The following GBX1 variants were observed in gnomAD, a reference collection of about 807,000 sequenced individuals.
GBX1 encodes the protein homeobox protein GBX-1.
Under a neutral mutation model 22.9 loss-of-function variants are expected in GBX1, and 9 were observed. The ratio of observed to expected loss-of-function variants is 0.39; its 90% CI spans 0.24 to 0.69. GBX1 has a LOEUF of 0.69. Ranked by LOEUF, GBX1 falls within the 30% of genes least tolerant of loss-of-function variation. The probability of loss-of-function intolerance (pLI) is 0.43; values close to 1 mark genes in which losing one functional copy is unlikely to be tolerated. For synonymous variants in GBX1, 203 were observed against 227.3 expected (o/e 0.89, Z 0.96); for missense variants, 494 against 509.2 (o/e 0.97, Z 0.29).
At chr7:151,158,592 G>T (rs2150549571) in intron 1 of GBX1, among the ~76,000 whole-genome samples, 1 of 152,080 alleles carries the variant, frequency 6.6e-6, no homozygotes, top group South Asian at 2.1e-4. Flanking sequence ...GGGAGAAAGA[G>T]CCAAAGACAC....
At chr7:151,164,896 C>T (rs944167543) in intron 1 of GBX1, among the ~76,000 whole-genome samples, 1 of 147,214 alleles carries the variant, frequency 6.8e-6, no homozygotes, top group Non-Finnish European at 1.5e-5. Flanking sequence ...GAAAATTACT[C>T]CTAGTGTTGA....
At chr7:151,158,463 G>GT (rs529537403) in intron 1 of GBX1, among the ~76,000 whole-genome samples, 220 of 143,676 alleles carry the variant, frequency 1.5e-3, no homozygotes, top group Non-Finnish European at 1.7e-3. Context: ...TTTTGTTTTT[G>GT]TTTTTTTTTT....
chr7:151,155,376 C>G (rs1228855176), intron 1 of GBX1, among the ~76,000 whole-genome samples: 6 of 152,164 alleles, frequency 3.9e-5, no homozygotes, highest in Non-Finnish European at 2.9e-5. Context: ...ATGCCCAATA[C>G]AGAATTATTT....
rs1453818924 is a variant in GBX1, at chr7:151,167,365, C to T, written c.184G>A (p.Ala62Thr). The T allele has an allele frequency of 1.3e-6, 2 of 1,509,882 alleles. No homozygotes were observed. The highest frequency in any genetic ancestry group is 2.2e-5 in the Admixed American group (1 of 45,272). 93.5% of individuals were successfully genotyped at this position (1,509,882 alleles called of 1,614,324 possible). A position where few individuals can be genotyped will look rare whatever the true frequency, so the allele number is the denominator to read the frequency against. Residue 62 changes from alanine to threonine, a missense_variant, in exon 1 of 2, where the codon GCC becomes ACC. Coordinates refer to ENST00000297537, the MANE Select transcript of GBX1 (RefSeq NM_001098834.3). This position sits in a 1 kb window ranked among gnomAD's most constrained non-coding sequence, Gnocchi z 5.9. Reference sequence around the variant, plus strand: ...AGGCCAGCGGGCAGCGGCGCAGGGGCCAGCGCCTGCGGCAGCACGAGCGGC... The same window carrying T: ...AGGCCAGCGGGCAGCGGCGCAGGGGTCAGCGCCTGCGGCAGCACGAGCGGC... ...YRPLVLPQAL[A>T]PAPLPAGLPP...
rs1801272644 is a variant in GBX1, at chr7:151,167,445, G to A, written c.104C>T (p.Pro35Leu). The change falls in exon 1 of 2, where the codon CCG (proline) becomes CTG (leucine). Residue 35 changes from proline to leucine, a missense_variant. Pro to Leu is a moderately conservative substitution (Grantham distance 98). Transcript: ENST00000297537. The surrounding 1 kb of genome is among the most constrained non-coding windows in gnomAD (Gnocchi z 5.9). ...GTACAGCAAGTGGCCGGAGCGCGGC[G>A]GCGGCGGCCCGATTAGGGAGTCGAT... ...FSIDSLIGPP[P>L]PRSGHLLYTG... The A allele has an allele frequency of 6.6e-7, 1 of 1,517,206 alleles. No homozygotes were observed. Among genetic ancestry groups the A allele is most frequent in the Non-Finnish European group, 8.8e-7 (1 of 1,135,402 alleles). 94.0% of individuals were successfully genotyped at this position (1,517,206 alleles called of 1,614,324 possible). A position where few individuals can be genotyped will look rare whatever the true frequency, so the allele number is the denominator to read the frequency against.
At chr7:151,155,104 CT>C (rs760064036) in intron 1 of GBX1, among the ~76,000 whole-genome samples, 4 of 152,168 alleles carry the variant, frequency 2.6e-5, no homozygotes, top group Admixed American at 6.5e-5. Context: ...AGAGAAGCCC[CT>C]CAGTTCTGAC....
chr7:151,163,477 C>T (rs1457425816), intron 1 of GBX1, among the ~76,000 whole-genome samples: 2 of 152,170 alleles, frequency 1.3e-5, no homozygotes, highest in Non-Finnish European at 2.9e-5. Context: ...TCACCTGTGG[C>T]TACTGACCAA....
intron 1 of GBX1, among the ~76,000 whole-genome samples, chr7:151,159,766 T>C (rs2150549928): frequency 6.6e-6 from 1 of 152,322 alleles, no homozygotes; most frequent in African/African-American, 2.4e-5. Flanking sequence ...ACAACACAAC[T>C]TCTCTTCTTT....
chr7:151,155,630 C>T (rs1473579817), intron 1 of GBX1, among the ~76,000 whole-genome samples: 1 of 152,090 alleles, frequency 6.6e-6, no homozygotes, highest in African/African-American at 2.4e-5. Context: ...TCACTGTCAT[C>T]CAGAACCCCT....
chr7:151,158,714 T>C (rs190020954), intron 1 of GBX1, among the ~76,000 whole-genome samples: 2 of 152,328 alleles, frequency 1.3e-5, no homozygotes, highest in East Asian at 3.9e-4. Flanking sequence ...GAAATATTTG[T>C]CCTTTTCAAT....
At chr7:151,156,712 C>T (rs1248917116) in intron 1 of GBX1, among the ~76,000 whole-genome samples, 1 of 151,998 alleles carries the variant, frequency 6.6e-6, no homozygotes, top group East Asian at 1.9e-4. Context: ...TGGCTGGGCA[C>T]GGTGGCTCAT....
At chr7:151,158,707 A>G (rs1801161809) in intron 1 of GBX1, among the ~76,000 whole-genome samples, 1 of 152,124 alleles carries the variant, frequency 6.6e-6, no homozygotes, top group African/African-American at 2.4e-5. Context: ...ACTCCCAGAA[A>G]TATTTGTCCT....
intron 1 of GBX1, among the ~76,000 whole-genome samples, chr7:151,156,913 A>G (rs1260991242): frequency 1.4e-5 from 2 of 145,552 alleles, no homozygotes; most frequent in Non-Finnish European, 3.0e-5. Flanking sequence ...TGAACCCAGG[A>G]GTCAGAGGTT....
At chr7:151,162,638 T>A (rs1051339048) in intron 1 of GBX1, among the ~76,000 whole-genome samples, 3 of 152,172 alleles carry the variant, frequency 2.0e-5, no homozygotes, top group African/African-American at 7.2e-5. Flanking sequence ...CTGGTATTAG[T>A]TTTCACGTCA....
intron 1 of GBX1, among the ~76,000 whole-genome samples, chr7:151,165,709 A>G (rs1175998618): frequency 6.6e-6 from 1 of 152,224 alleles, no homozygotes; most frequent in Non-Finnish European, 1.5e-5. Context: ...AAAGAAAACA[A>G]CAGCTGAATC....
At chr7:151,165,773 A>G (rs1257140610) in intron 1 of GBX1, among the ~76,000 whole-genome samples, 1 of 152,242 alleles carries the variant, frequency 6.6e-6, no homozygotes, top group Non-Finnish European at 1.5e-5. Context: ...GACAGGCCCC[A>G]TGGCAGCCTT....
At chr7:151,157,927 ATGTGCT>A (rs1801153604) in intron 1 of GBX1, among the ~76,000 whole-genome samples, 1 of 152,222 alleles carries the variant, frequency 6.6e-6, no homozygotes, top group African/African-American at 2.4e-5. Flanking sequence ...TTAGAACTGC[ATGTGCT>A]TGTGCCTTCT....
chr7:151,151,377 T>C (rs912529442), intron 1 of GBX1, among the ~76,000 whole-genome samples: 2 of 152,160 alleles, frequency 1.3e-5, no homozygotes, highest in Admixed American at 1.3e-4. Context: ...CAGCCTGTTC[T>C]TTCCCCTCTA....
rs887502195 is a variant in GBX1, at chr7:151,167,347, C to A, written c.202G>T (p.Ala68Ser). 3 of 1,505,836 alleles carry A rather than the reference C, an allele frequency of 2.0e-6. No homozygotes were observed. Among genetic ancestry groups the A allele is most frequent in the Non-Finnish European group, 2.7e-6 (3 of 1,130,532 alleles). 93.3% of individuals were successfully genotyped at this position (1,505,836 alleles called of 1,614,324 possible). Reference protein sequence around the residue: ...PQALAPAPLPAGLPPLAPLAS... With the variant: ...PQALAPAPLPSGLPPLAPLAS... ...AGCGGGGCGAGGGGCGGGAGGCCAG[C>A]GGGCAGCGGCGCAGGGGCCAGCGCC... The change falls in exon 1 of 2, where the codon GCT (alanine) becomes TCT (serine). Residue 68 changes from alanine to serine, a missense_variant. Coordinates refer to ENST00000297537, the MANE Select transcript of GBX1 (RefSeq NM_001098834.3). The surrounding 1 kb of genome is among the most constrained non-coding windows in gnomAD (Gnocchi z 5.9).
Sources: gnomAD v4.1 joint callset for allele counts (sites outside exome capture counted in the v4.1 genomes callset) on GRCh38, gnomAD v4.1.1 for gene constraint, Gnocchi (gnomAD v3.1) non-coding constraint, MANE v1.5 for transcripts, NCBI Gene and HGNC (gene_info 2026-07-23, HGNC 2026-07-21) for gene names.